SPSB1: variants seen among roughly 807,000 people sequenced by gnomAD.
SPSB1 encodes the protein SPRY domain-containing SOCS box protein 1.
SPSB1 carries 8 observed loss-of-function variants against 21.2 expected under a neutral mutation model. The observed-to-expected ratio is 0.38, with a 90% CI of 0.22 to 0.68. The LOEUF (loss-of-function observed/expected upper bound fraction) is 0.68. SPSB1 is among the 30% of genes least tolerant of loss of function. SPSB1 has a pLI of 0.53. For missense variants in SPSB1, 242 were observed against 377.8 expected, an observed-to-expected ratio of 0.64 and a Z score of 2.98; for synonymous variants, 169 against 161.7, an observed-to-expected ratio of 1.05 and a Z score of -0.34.
intron 1 of SPSB1, among the ~76,000 whole-genome samples, chr1:9,327,537 G>A (rs1569603845): frequency 6.6e-6 from 1 of 152,142 alleles, no homozygotes; most frequent in African/African-American, 2.4e-5. Flanking sequence ...TTGGGCACGA[G>A]CTGGGCAGAC....
At position 9,356,624 on chromosome 1, in the gene SPSB1, T is replaced by G. The variant is rs1640367457; in HGVS notation, c.694+39T>G. 1.3e-6 allele frequency: 2 copies of G among 1,552,424 alleles called. No homozygotes were observed. Among genetic ancestry groups the G allele is most frequent in the Non-Finnish European group, 1.7e-6 (2 of 1,147,038 alleles). On this transcript the variant is annotated intron_variant, in intron 2 of 2. Coordinates refer to ENST00000328089, the MANE Select transcript of SPSB1 (RefSeq NM_025106.4). This position sits in a 1 kb window ranked among gnomAD's most constrained non-coding sequence, Gnocchi z 7.4. ...CTGCTGTCAGAGGCAATGCCCTCCC[T>G]CAGTCCCCATGGTCCTGGCTGGGCT...
intron 2 of SPSB1, among the ~76,000 whole-genome samples, chr1:9,364,803 T>C (rs1432031702): frequency 1.3e-5 from 2 of 151,990 alleles, no homozygotes; most frequent in Non-Finnish European, 2.9e-5. Flanking sequence ...ATTTATTTTT[T>C]CAGTTTTGGG....
intron 1 of SPSB1, among the ~76,000 whole-genome samples, chr1:9,318,034 A>G (rs1039566665): frequency 6.6e-6 from 1 of 152,208 alleles, no homozygotes; most frequent in African/African-American, 2.4e-5. Context: ...GGGGAGAGGA[A>G]GCAGCTGCAC....
intron 1 of SPSB1, among the ~76,000 whole-genome samples, chr1:9,333,225 C>A (rs527671736): frequency 3.3e-5 from 5 of 152,336 alleles, no homozygotes; most frequent in African/African-American, 1.2e-4. Context: ...TGGACAGCAG[C>A]CTGTCCCTAA....
At chr1:9,313,827 C>T (rs1056709858) in intron 1 of SPSB1, among the ~76,000 whole-genome samples, 2 of 152,188 alleles carry the variant, frequency 1.3e-5, no homozygotes, top group Non-Finnish European at 2.9e-5. Flanking sequence ...GGAGTGTTAT[C>T]GGAGAGGCGA....
intron 1 of SPSB1, among the ~76,000 whole-genome samples, chr1:9,326,510 T>C (rs1639818826): frequency 6.6e-6 from 1 of 152,216 alleles, no homozygotes; most frequent in South Asian, 2.1e-4. Context: ...AGAGTCACTG[T>C]CTGCATGTGG....
At chr1:9,334,451 C>T (rs1205771996) in intron 1 of SPSB1, among the ~76,000 whole-genome samples, 1 of 152,164 alleles carries the variant, frequency 6.6e-6, no homozygotes, top group Non-Finnish European at 1.5e-5. Flanking sequence ...GAACTTCTGG[C>T]CTCAAGTGAT....
chr1:9,349,519 G>A (rs1315364264), intron 1 of SPSB1, among the ~76,000 whole-genome samples: 3 of 152,380 alleles, frequency 2.0e-5, no homozygotes, highest in Admixed American at 6.5e-5. Flanking sequence ...CCGTAGATGC[G>A]TGTCAGATTT....
intron 1 of SPSB1, among the ~76,000 whole-genome samples, chr1:9,351,113 C>G (rs1190534808): frequency 6.6e-6 from 1 of 152,260 alleles, no homozygotes; most frequent in Admixed American, 6.5e-5. Context: ...TGGGCCAAAT[C>G]TGGCCCACTG....
At chr1:9,351,002 G>A (rs986801472) in intron 1 of SPSB1, among the ~76,000 whole-genome samples, 2 of 152,190 alleles carry the variant, frequency 1.3e-5, no homozygotes, top group African/African-American at 2.4e-5. Context: ...AATGTTACTT[G>A]GTACCTGTGG....
rs113381958 is a variant in SPSB1 at position 9,295,828 on chromosome 1, T to G, written c.-150+2757T>G. 3.3e-5 allele frequency among the ~76,000 whole-genome samples: 5 copies of G among 152,344 alleles called. 1 individual carries two copies. The highest frequency in any genetic ancestry group is 1.2e-4 in the African/African-American group (5 of 41,584). On this transcript the variant is annotated intron_variant, in intron 1 of 2. Transcript: ENST00000328089. ...TCGTCTGGGCATTTTGTATCAATTT[T>G]TCTCGAGAAATAGGTTGTAGCTGGT...
chr1:9,339,234 T>C (rs919401844), intron 1 of SPSB1: 2 of 985,266 alleles, frequency 2.0e-6, no homozygotes, highest in African/African-American at 3.5e-5. Flanking sequence ...CCCAGGCACT[T>C]GCCTAGAATA....
Position 9,340,280 on chromosome 1 carries a change from C to T in SPSB1, c.-149-15463C>T, listed in dbSNP as rs565214785. On this transcript the variant is annotated intron_variant, in intron 1 of 2. Transcript: ENST00000328089. ...GTGCTGTCAATCAGCAGAGGAGGGG[C>T]CTGGGGGGGAAGGCAGGGACACTGG... Among the ~76,000 whole-genome samples the T allele has an allele frequency of 9.3e-4, 142 of 152,266 alleles. 1 individual carries two copies. Among genetic ancestry groups the T allele is most frequent in the African/African-American group, 3.3e-3 (136 of 41,550 alleles).
intron 1 of SPSB1, among the ~76,000 whole-genome samples, chr1:9,344,031 G>A (rs1455626282): frequency 6.6e-6 from 1 of 152,072 alleles, no homozygotes; most frequent in African/African-American, 2.4e-5. Context: ...CTTGTGATCC[G>A]CCCACCTCGG....
At chr1:9,335,189 G>T (rs1243286589) in intron 1 of SPSB1, among the ~76,000 whole-genome samples, 1 of 152,092 alleles carries the variant, frequency 6.6e-6, no homozygotes, top group Non-Finnish European at 1.5e-5. Flanking sequence ...TGATCTTTAA[G>T]GTATCTTTGT....
chr1:9,338,954 C>T (rs767184737), intron 1 of SPSB1, among the ~76,000 whole-genome samples: 3 of 152,202 alleles, frequency 2.0e-5, no homozygotes, highest in Admixed American at 6.5e-5. Flanking sequence ...GGCCGATTAC[C>T]TTGTAATTGT....
At position 9,355,079 on chromosome 1, in the gene SPSB1, C is replaced by A. The variant is rs147032369; in HGVS notation, c.-149-664C>A. Among the ~76,000 whole-genome samples, 259 of 152,320 alleles carry A rather than the reference C, an allele frequency of 1.7e-3. 2 individuals are homozygous for A. The highest frequency in any genetic ancestry group is 5.7e-3 in the African/African-American group (238 of 41,572). ...TCCCGGGGGTCGGGGGATGAGCCCC[C>A]CTTGCTGTCTGAATCGAGGCCTTCC... On this transcript the variant is annotated intron_variant, in intron 1 of 2. Transcript: ENST00000328089.
At chr1:9,306,151 C>T (rs1250461241) in intron 1 of SPSB1, among the ~76,000 whole-genome samples, 1 of 152,190 alleles carries the variant, frequency 6.6e-6, no homozygotes, top group East Asian at 1.9e-4. Flanking sequence ...TCACCCTTGA[C>T]CCCACAGGGC....
chr1:9,364,237 T>A (rs1174594763), intron 2 of SPSB1, among the ~76,000 whole-genome samples: 1 of 152,216 alleles, frequency 6.6e-6, no homozygotes, highest in East Asian at 1.9e-4. Context: ...TTGGCCCTGA[T>A]GCAGGCCAGA....
Sources: allele counts gnomAD v4.1 joint callset (sites outside exome capture counted in the v4.1 genomes callset), GRCh38; gene constraint gnomAD v4.1.1; non-coding constraint Gnocchi (gnomAD v3.1); transcripts MANE v1.5; gene names NCBI Gene and HGNC (gene_info 2026-07-23, HGNC 2026-07-21).